RPTOR: variants seen among roughly 807,000 people sequenced by gnomAD.
RPTOR encodes regulatory-associated protein of mTOR.
Under a neutral mutation model 169.9 loss-of-function variants are expected in RPTOR, and 21 were observed. The observed-to-expected ratio is 0.12, with a 90% confidence interval of 0.09 to 0.18. RPTOR has a LOEUF of 0.18. Among genes scored for constraint, RPTOR ranks in the 10% least tolerant of loss-of-function variants. The probability of loss-of-function intolerance (pLI) is 1.00; values close to 1 mark genes in which losing one functional copy is unlikely to be tolerated. For synonymous variants in RPTOR, 732 were observed against 753.2 expected (o/e 0.97, Z 0.46); for missense variants, 1,133 against 1,855.9 (o/e 0.61, Z 7.16).
rs925382563 is a variant in RPTOR at position 80,726,905 on chromosome 17, G to A, written c.508-3655G>A. ...CGTCTTTTGGCCCTTCTTTCCCTTG[G>A]CAGCAGCATGGAAGTGGGTGGGGGA... On this transcript the variant is annotated intron_variant, in intron 4 of 33. Coordinates refer to ENST00000306801, the MANE Select transcript of RPTOR (RefSeq NM_020761.3). The surrounding 1 kb of genome is among the most constrained non-coding windows in gnomAD (Gnocchi z 4.5). Among the ~76,000 whole-genome samples, 1 of 152,108 alleles carries A rather than the reference G, an allele frequency of 6.6e-6. No individual in the cohort carries two copies. The highest frequency in any genetic ancestry group is 2.1e-4 in the South Asian group (1 of 4,824).
chr17:80,815,295 G>T lies in RPTOR; in HGVS notation c.891-6906G>T, dbSNP rs117453315. Among the ~76,000 whole-genome samples, 594 of 152,366 alleles carry T rather than the reference G, an allele frequency of 3.9e-3. 5 individuals are homozygous for T. The highest frequency in any genetic ancestry group is 0.014 in the Middle Eastern group (4 of 294). On this transcript the variant is annotated intron_variant, in intron 7 of 33. Transcript: ENST00000306801. ...AGAGCTGTCGCTCCAACTCAGAGGT[G>T]GCCCAGCCTCTGCAGGCCCCGTGGA...
rs1430281369 is a variant in RPTOR at position 80,746,506 on chromosome 17, C to G, written c.655-7504C>G. 6.6e-6 allele frequency among the ~76,000 whole-genome samples: 1 copy of G among 152,222 alleles called. No homozygotes were observed. Among genetic ancestry groups the G allele is most frequent in the Admixed American group, 6.5e-5 (1 of 15,286 alleles). ...TGGATCCGGTTGCTGTGTATCGCAT[C>G]GCAAGACTTTTCTGGATCCTTCCCA... On this transcript the variant is annotated intron_variant, in intron 5 of 33. Transcript: ENST00000306801. This position sits in a 1 kb window ranked among gnomAD's most constrained non-coding sequence, Gnocchi z 4.5.
At chr17:80,569,935 TG>T (rs1568310140) in intron 1 of RPTOR, among the ~76,000 whole-genome samples, 1 of 152,178 alleles carries the variant, frequency 6.6e-6, no homozygotes. Context: ...CCTGCCCCTG[TG>T]GCTGCTCTTT....
chr17:80,824,734 G>T (rs2067419849), intron 9 of RPTOR, among the ~76,000 whole-genome samples: 1 of 152,216 alleles, frequency 6.6e-6, no homozygotes, highest in African/African-American at 2.4e-5. Context: ...CCCTTACCAG[G>T]AATCAGTCCA....
Position 80,949,435 on chromosome 17 carries a change from C to G in RPTOR, c.3266-8C>G. On this transcript the variant is annotated splice_region_variant and splice_polypyrimidine_tract_variant and intron_variant, in intron 27 of 33. Coordinates refer to ENST00000306801, the MANE Select transcript of RPTOR (RefSeq NM_020761.3). ...CTGGTTCACATCCTTTCCTCTCTCCCTCCCCAGACGATGGTGCCATCAGGG... is the reference window on the plus strand; with the variant it reads ...CTGGTTCACATCCTTTCCTCTCTCCGTCCCCAGACGATGGTGCCATCAGGG... The G allele has an allele frequency of 6.2e-7, 1 of 1,611,072 alleles. No individual in the cohort carries two copies. The highest frequency in any genetic ancestry group is 1.7e-4 in the Middle Eastern group (1 of 6,060).
intron 1 of RPTOR, among the ~76,000 whole-genome samples, chr17:80,618,266 C>T (rs1451215220): frequency 2.0e-5 from 3 of 152,288 alleles, no homozygotes; most frequent in East Asian, 3.9e-4. Context: ...GGATGACAGG[C>T]GTGAGCCACC....
chr17:80,822,832 T>C (rs1224925225), intron 8 of RPTOR, among the ~76,000 whole-genome samples: 1 of 144,862 alleles, frequency 6.9e-6, no homozygotes, highest in Non-Finnish European at 1.5e-5. Context: ...GTAATGTATC[T>C]GTATAGGTAC....
At chr17:80,905,917 T>C (rs1035490495) in intron 20 of RPTOR, among the ~76,000 whole-genome samples, 1 of 152,188 alleles carries the variant, frequency 6.6e-6, no homozygotes, top group African/African-American at 2.4e-5. Flanking sequence ...AGGGTTCTCA[T>C]ATAAGGCCAG....
At chr17:80,623,981 A>C (rs2065374865) in intron 1 of RPTOR, among the ~76,000 whole-genome samples, 1 of 151,728 alleles carries the variant, frequency 6.6e-6, no homozygotes. Context: ...CAGTCATTTC[A>C]CACTGTACCC....
At chr17:80,577,765 C>G (rs1021046858) in intron 1 of RPTOR, among the ~76,000 whole-genome samples, 5 of 152,206 alleles carry the variant, frequency 3.3e-5, no homozygotes, top group African/African-American at 4.8e-5. Flanking sequence ...GTGCCATTCT[C>G]TTCGAAGGGC....
chr17:80,637,556 A>G (rs550265530), intron 2 of RPTOR, among the ~76,000 whole-genome samples: 5 of 152,364 alleles, frequency 3.3e-5, no homozygotes, highest in African/African-American at 4.8e-5. Flanking sequence ...CCGACATTAA[A>G]TACTACAACA....
intron 3 of RPTOR, among the ~76,000 whole-genome samples, chr17:80,698,014 T>TTGAGTTTCTGCTGGCTGATTTGGTGGGGC (rs2066051788): frequency 6.6e-6 from 1 of 152,014 alleles, no homozygotes; most frequent in Non-Finnish European, 1.5e-5. Context: ...AGTTTGGTGG[T>TTGAGTTTCTGCTGGCTGATTTGGTGGGGC]TGAGTTTCTG....
chr17:80,620,028 C>G (rs1251131546), intron 1 of RPTOR, among the ~76,000 whole-genome samples: 1 of 152,150 alleles, frequency 6.6e-6, no homozygotes, highest in Non-Finnish European at 1.5e-5. Context: ...CTGGGAAGAC[C>G]AGTCATGAGT....
intron 7 of RPTOR, 115 bp downstream of exon 7, chr17:80,791,624 T>C: frequency 1.2e-6 from 1 of 860,348 alleles, no homozygotes; most frequent in Non-Finnish European, 1.8e-6. Flanking sequence ...TTCCCTTTCA[T>C]GTGGCTGTGT....
At chr17:80,954,509 T>TC (rs72532144) in intron 28 of RPTOR, among the ~76,000 whole-genome samples, 149,386 of 152,186 alleles carry the variant, frequency 0.98, 73,304 homozygotes, top group Non-Finnish European at 1. Flanking sequence ...TAAGCAATCC[T>TC]CTGTCTCGGC....
At chr17:80,725,581 A>G (rs1442185944) in intron 4 of RPTOR, among the ~76,000 whole-genome samples, 3 of 152,166 alleles carry the variant, frequency 2.0e-5, no homozygotes, top group Non-Finnish European at 4.4e-5. Flanking sequence ...AATATTCCAC[A>G]GGACAACGAG....
Position 80,754,265 on chromosome 17 carries a change from C to A in RPTOR, c.830+80C>A, listed in dbSNP as rs919893351. 5.7e-6 allele frequency: 8 copies of A among 1,394,396 alleles called. No individual in the cohort carries two copies. Among genetic ancestry groups the A allele is most frequent in the Non-Finnish European group, 7.7e-6 (8 of 1,033,160 alleles). The allele number at this position is 1,394,396 out of a possible 1,614,324, so 86.4% of individuals were successfully genotyped here. A position where few individuals can be genotyped will look rare whatever the true frequency, so the allele number is the denominator to read the frequency against. On this transcript the variant is annotated intron_variant, in intron 6 of 33. Transcript: ENST00000306801. The surrounding 1 kb of genome is among the most constrained non-coding windows in gnomAD (Gnocchi z 4.2). ...GACCCCAACCCATGTGGGCCCCAGGCATTCACCTGGTCCCAGGAGCCCACG... is the reference window on the plus strand; with the variant it reads ...GACCCCAACCCATGTGGGCCCCAGGAATTCACCTGGTCCCAGGAGCCCACG...
chr17:80,662,969 G>A (rs1374980007), intron 3 of RPTOR, among the ~76,000 whole-genome samples: 2 of 152,218 alleles, frequency 1.3e-5, no homozygotes, highest in South Asian at 4.1e-4. Flanking sequence ...TGTGAGGTTA[G>A]GAGGGAGGTG....
At chr17:80,908,750 G>A (rs1050637526) in intron 20 of RPTOR, 61 bp from the exon 21 acceptor site, 5 of 1,232,416 alleles carry the variant, frequency 4.1e-6, no homozygotes, top group Admixed American at 3.5e-5. Flanking sequence ...AAATGCAGCC[G>A]CCTTAGGAGC....
Sources: gnomAD v4.1 joint callset for allele counts (sites outside exome capture counted in the v4.1 genomes callset) on GRCh38, gnomAD v4.1.1 for gene constraint, Gnocchi (gnomAD v3.1) non-coding constraint, MANE v1.5 for transcripts, NCBI Gene and HGNC (gene_info 2026-07-23, HGNC 2026-07-21) for gene names.